The following FRMPD1 variants were observed in gnomAD, a reference collection of about 807,000 sequenced individuals.
FRMPD1 encodes FERM and PDZ domain-containing protein 1.
Under a neutral mutation model 117.8 loss-of-function variants are expected in FRMPD1, and 76 were observed. The ratio of observed to expected loss-of-function variants is 0.65; its 90% CI spans 0.54 to 0.78. The LOEUF is 0.78. Ranked by LOEUF, FRMPD1 falls within the 30% of genes least tolerant of loss-of-function variation. The pLI is 0.00. For synonymous variants in FRMPD1, 783 were observed against 770.4 expected, an observed-to-expected ratio of 1.02 and a Z score of -0.27; for missense variants, 1,786 against 1,964.5, an observed-to-expected ratio of 0.91 and a Z score of 1.72.
intron 2 of FRMPD1, among the ~76,000 whole-genome samples, chr9:37,695,464 A>G (rs972767131): frequency 6.6e-6 from 1 of 152,158 alleles, no homozygotes; most frequent in Non-Finnish European, 1.5e-5. Context: ...CTTGAGAAAG[A>G]GAAAAACAAA....
chr9:37,670,466 A>G (rs940868149), intron 1 of FRMPD1, among the ~76,000 whole-genome samples: 1 of 152,174 alleles, frequency 6.6e-6, no homozygotes, highest in Non-Finnish European at 1.5e-5. Flanking sequence ...GGAATTTGAC[A>G]TTGAGAGTTT....
chr9:37,620,517 T>C, the FRMPD1 span, among the ~76,000 whole-genome samples: 1 of 146,302 alleles, frequency 6.8e-6, no homozygotes, highest in Non-Finnish European at 1.5e-5. Context: ...CATCATGATT[T>C]AAAAAAAAAA....
chr9:37,620,517 TA>T, the FRMPD1 span, among the ~76,000 whole-genome samples: 51 of 146,196 alleles, frequency 3.5e-4, no homozygotes, highest in South Asian at 8.7e-4. Flanking sequence ...CATCATGATT[TA>T]AAAAAAAAAA....
intron 13 of FRMPD1, among the ~76,000 whole-genome samples, chr9:37,736,879 ATG>A (rs915327050): frequency 9.0e-6 from 1 of 110,782 alleles, no homozygotes; most frequent in African/African-American, 3.5e-5. Flanking sequence ...GTGTGTGTGT[ATG>A]TGTGCGCACA....
At chr9:37,642,461 A>G in the FRMPD1 span, among the ~76,000 whole-genome samples, 2 of 152,140 alleles carry the variant, frequency 1.3e-5, no homozygotes, top group African/African-American at 4.8e-5. Flanking sequence ...AGCTCTTACT[A>G]GTTGAGTGAC....
chr9:37,625,039 CA>C, the FRMPD1 span, among the ~76,000 whole-genome samples: 1 of 152,168 alleles, frequency 6.6e-6, no homozygotes, highest in Non-Finnish European at 1.5e-5. Flanking sequence ...CTTCTTTCAT[CA>C]AAGAAAAATG....
intron 6 of FRMPD1, 119 bp downstream of exon 6, chr9:37,719,295 G>A: frequency 1.5e-6 from 1 of 687,052 alleles, no homozygotes. Flanking sequence ...CAGTGTGTTT[G>A]CAAGAGGCTT....
At chr9:37,744,312 C>A in intron 15 of FRMPD1, 77 bp from the exon 16 acceptor site, 1 of 1,107,316 alleles carries the variant, frequency 9.0e-7, no homozygotes, top group Non-Finnish European at 1.3e-6. Flanking sequence ...CCCAGGAAAG[C>A]CCAAGGCCTG....
chr9:37,681,659 T>C (rs1446442202), intron 1 of FRMPD1, among the ~76,000 whole-genome samples: 3 of 152,234 alleles, frequency 2.0e-5, no homozygotes, highest in African/African-American at 7.2e-5. Context: ...CCTTTGGGCT[T>C]AGAAGGTTCC....
intron 5 of FRMPD1, among the ~76,000 whole-genome samples, chr9:37,716,330 C>T (rs1823117657): frequency 6.6e-6 from 1 of 152,238 alleles, no homozygotes; most frequent in South Asian, 2.1e-4. Flanking sequence ...ATGCTCAACA[C>T]CACACTTCAC....
chr9:37,680,092 C>T (rs1333105456), intron 1 of FRMPD1, among the ~76,000 whole-genome samples: 1 of 152,158 alleles, frequency 6.6e-6, no homozygotes, highest in Admixed American at 6.5e-5. Context: ...CCCTCAGATC[C>T]CTAGCAAGAG....
intron 1 of FRMPD1, among the ~76,000 whole-genome samples, chr9:37,691,723 G>C (rs2118022434): frequency 6.6e-6 from 1 of 152,312 alleles, no homozygotes; most frequent in African/African-American, 2.4e-5. Flanking sequence ...GGCCAACATG[G>C]TGAAACCCCA....
At chr9:37,648,824 G>A (rs1214836557), upstream of FRMPD1, among the ~76,000 whole-genome samples, 1 of 152,176 alleles carries the variant, frequency 6.6e-6, no homozygotes, top group Non-Finnish European at 1.5e-5. Flanking sequence ...TGTGTTGAGA[G>A]TGGGGCACCT....
chr9:37,603,780 A>G, the FRMPD1 span, among the ~76,000 whole-genome samples: 14 of 151,900 alleles, frequency 9.2e-5, no homozygotes, highest in African/African-American at 3.4e-4. Flanking sequence ...CTGAGTTCAA[A>G]TATTTCTCCT....
At chr9:37,634,448 G>A in the FRMPD1 span, among the ~76,000 whole-genome samples, 1 of 152,124 alleles carries the variant, frequency 6.6e-6, no homozygotes, top group South Asian at 2.1e-4. Context: ...AAATATATGT[G>A]ATGTACCTAT....
the FRMPD1 span, among the ~76,000 whole-genome samples, chr9:37,643,917 C>A: frequency 6.6e-6 from 1 of 152,136 alleles, no homozygotes; most frequent in Non-Finnish European, 1.5e-5. Context: ...GGTGGGGTTG[C>A]GCTGCTGTGT....
chr9:37,634,455 C>T, the FRMPD1 span, among the ~76,000 whole-genome samples: 1 of 152,090 alleles, frequency 6.6e-6, no homozygotes. Flanking sequence ...TGTGATGTAC[C>T]TATCAACATT....
At chr9:37,736,852 CGT>C (rs1023546551) in intron 13 of FRMPD1, among the ~76,000 whole-genome samples, 2 of 145,904 alleles carry the variant, frequency 1.4e-5, no homozygotes, top group African/African-American at 2.5e-5. Flanking sequence ...TGTGTGAGTG[CGT>C]GAGAGTGTGT....
chr9:37,634,928 C>T, the FRMPD1 span, among the ~76,000 whole-genome samples: 8 of 152,040 alleles, frequency 5.3e-5, no homozygotes, highest in Admixed American at 2.6e-4. Context: ...CCCCTCTCTG[C>T]GTCCATGTGT....
Sources: gnomAD v4.1 joint callset for allele counts (sites outside exome capture counted in the v4.1 genomes callset) on GRCh38, gnomAD v4.1.1 for gene constraint, MANE v1.5 for transcripts, NCBI Gene and HGNC (gene_info 2026-07-23, HGNC 2026-07-21) for gene names.